Variants in SLC15A1 observed in about 807,000 individuals in gnomAD.
SLC15A1 encodes the protein Caco-2 oligopeptide transporter.
SLC15A1 carries 83 observed loss-of-function variants against 92.9 expected under a neutral mutation model. The observed-to-expected ratio is 0.89, with a 90% CI of 0.75 to 1.07. The LOEUF (loss-of-function observed/expected upper bound fraction) is 1.07, where lower values mean the gene tolerates loss of function less well. SLC15A1 is among the 50% of genes least tolerant of loss of function. SLC15A1 has a pLI of 0.00. For missense variants in SLC15A1, 857 were observed against 880.1 expected (o/e 0.97, Z 0.33); for synonymous variants, 322 against 318.2 (o/e 1.01, Z -0.13).
chr13:98,742,468 G>T (rs970904631), intron 1 of SLC15A1, among the ~76,000 whole-genome samples: 2 of 152,238 alleles, frequency 1.3e-5, no homozygotes, highest in African/African-American at 4.8e-5. Flanking sequence ...CCTGGGGACA[G>T]CTCCTGGTCA....
At chr13:98,701,913 G>GATC (rs1465021681) in intron 18 of SLC15A1, among the ~76,000 whole-genome samples, 1 of 152,022 alleles carries the variant, frequency 6.6e-6, no homozygotes, top group Non-Finnish European at 1.5e-5. Flanking sequence ...GGGCTCAAGA[G>GATC]ATCCACCTGC....
chr13:98,689,504 G>C (rs2087958637), intron 18 of SLC15A1, among the ~76,000 whole-genome samples: 1 of 152,142 alleles, frequency 6.6e-6, no homozygotes, highest in African/African-American at 2.4e-5. Context: ...AGAGTGCAGT[G>C]ATACAATCAC....
At chr13:98,748,800 A>G (rs139128042) in intron 1 of SLC15A1, among the ~76,000 whole-genome samples, 1 of 152,302 alleles carries the variant, frequency 6.6e-6, no homozygotes, top group African/African-American at 2.4e-5. Context: ...GGATCTTTAG[A>G]GTCGTGGTTC....
intron 17 of SLC15A1, 126 bp downstream of exon 17, chr13:98,704,163 G>T: frequency 1.2e-6 from 1 of 851,340 alleles, no homozygotes; most frequent in Non-Finnish European, 1.7e-6. Flanking sequence ...TGTTCCAGAA[G>T]AAGGAAGAAA....
At chr13:98,741,384 G>A (rs1369085734) in intron 1 of SLC15A1, among the ~76,000 whole-genome samples, 1 of 152,206 alleles carries the variant, frequency 6.6e-6, no homozygotes, top group African/African-American at 2.4e-5. Flanking sequence ...AGGCCAAGGC[G>A]GAGGGATCAC....
At chr13:98,709,452 A>G in intron 14 of SLC15A1, 120 bp downstream of exon 14, 3 of 715,210 alleles carry the variant, frequency 4.2e-6, no homozygotes, top group Non-Finnish European at 2.4e-6. Flanking sequence ...TGTTTTCTTC[A>G]TTCTTCAAAA....
chr13:98,687,935 G>A (rs2087943511), intron 20 of SLC15A1, among the ~76,000 whole-genome samples: 1 of 152,178 alleles, frequency 6.6e-6, no homozygotes, highest in African/African-American at 2.4e-5. Flanking sequence ...TAAGAGAGTA[G>A]GTTGGAAGTC....
At chr13:98,742,720 T>C (rs1025851089) in intron 1 of SLC15A1, among the ~76,000 whole-genome samples, 16 of 152,170 alleles carry the variant, frequency 1.1e-4, no homozygotes, top group Non-Finnish European at 1.6e-4. Context: ...CATACTCACG[T>C]GGCGCTTGCC....
At chr13:98,724,145 C>T (rs1474496305) in intron 4 of SLC15A1, 114 bp from the exon 5 acceptor site, 2 of 1,297,092 alleles carry the variant, frequency 1.5e-6, no homozygotes, top group East Asian at 2.4e-5. Context: ...ATCCTGAATA[C>T]ACTTATTTCT....
chr13:98,700,613 G>C (rs1022785345), intron 18 of SLC15A1, among the ~76,000 whole-genome samples: 2 of 151,006 alleles, frequency 1.3e-5, no homozygotes, highest in African/African-American at 4.9e-5. Context: ...AAAGTCACAA[G>C]AGTTTATGTT....
intron 22 of SLC15A1, 40 bp from the exon 23 acceptor site, chr13:98,684,955 A>G (rs370958376): frequency 1.5e-5 from 23 of 1,542,708 alleles, no homozygotes; most frequent in East Asian, 2.3e-5. Context: ...AAAGAACAAA[A>G]ATAAAACAGG....
At chr13:98,726,309 G>T in intron 3 of SLC15A1, 45 bp from the exon 4 acceptor site, 1 of 1,613,102 alleles carries the variant, frequency 6.2e-7, no homozygotes. Flanking sequence ...ACAAAGTTAG[G>T]ACTGGTTATG....
At chr13:98,698,880 G>A (rs1266916171) in intron 18 of SLC15A1, among the ~76,000 whole-genome samples, 6 of 152,132 alleles carry the variant, frequency 3.9e-5, no homozygotes, top group Non-Finnish European at 5.9e-5. Flanking sequence ...AATTATCAAA[G>A]TTGTAGCTAC....
intron 1 of SLC15A1, among the ~76,000 whole-genome samples, chr13:98,741,256 C>T (rs538116970): frequency 2.6e-4 from 39 of 152,330 alleles, no homozygotes; most frequent in Non-Finnish European, 5.1e-4. Flanking sequence ...CTGCTGGGAC[C>T]GCCATGAAGG....
At chr13:98,729,495 T>A (rs2088330413) in intron 1 of SLC15A1, among the ~76,000 whole-genome samples, 1 of 152,226 alleles carries the variant, frequency 6.6e-6, no homozygotes, top group South Asian at 2.1e-4. Context: ...CAGGCTGTGA[T>A]GTCCTGCTGC....
chr13:98,743,581 A>T (rs1277610608), intron 1 of SLC15A1, among the ~76,000 whole-genome samples: 2 of 152,202 alleles, frequency 1.3e-5, no homozygotes, highest in Non-Finnish European at 2.9e-5. Context: ...TCCAGGGTTC[A>T]CATGCAGCAA....
At chr13:98,727,657 C>G (rs551572791) in intron 1 of SLC15A1, among the ~76,000 whole-genome samples, 4 of 152,328 alleles carry the variant, frequency 2.6e-5, no homozygotes, top group African/African-American at 9.6e-5. Flanking sequence ...ACCTGCTCTT[C>G]TGTCTCCCCG....
At chr13:98,735,943 TCC>T (rs1037308020) in intron 1 of SLC15A1, among the ~76,000 whole-genome samples, 2 of 152,132 alleles carry the variant, frequency 1.3e-5, no homozygotes, top group Non-Finnish European at 2.9e-5. Flanking sequence ...TTCAATGCCA[TCC>T]CCATCAAGCT....
At chr13:98,711,172 T>A (rs373040698) in intron 11 of SLC15A1, among the ~76,000 whole-genome samples, 2 of 152,162 alleles carry the variant, frequency 1.3e-5, no homozygotes, top group Admixed American at 6.5e-5. Context: ...TCATATATAT[T>A]TTTTTAACTC....
Sources: gnomAD v4.1 joint callset for allele counts (sites outside exome capture counted in the v4.1 genomes callset) on GRCh38, gnomAD v4.1.1 for gene constraint, MANE v1.5 for transcripts, NCBI Gene and HGNC (gene_info 2026-07-23, HGNC 2026-07-21) for gene names.